The following RBM25 variants were observed in gnomAD, a reference collection of about 807,000 sequenced individuals.
RBM25 encodes RNA binding motif protein 25, also known as RNA-binding protein 25.
A neutral mutation model predicts 120.7 loss-of-function variants in RBM25; 19 were observed. That is an observed-to-expected ratio of 0.16 (90% CI 0.11 to 0.23). RBM25 has a LOEUF of 0.23. RBM25 is among the 10% of genes least tolerant of loss of function. RBM25 has a pLI of 1.00. For missense variants in RBM25, 605 were observed against 1,041.5 expected (o/e 0.58, Z 5.77); for synonymous variants, 390 against 326.7 (o/e 1.19, Z -2.09).
At chr14:73,063,910 T>G (rs1350041073) in intron 1 of RBM25, among the ~76,000 whole-genome samples, 1 of 151,562 alleles carries the variant, frequency 6.6e-6, no homozygotes, top group African/African-American at 2.4e-5. Flanking sequence ...TATTTATTTC[T>G]GATTTTCTTC....
At chr14:73,115,186 GTGTTT>G (rs1896401082) in intron 18 of RBM25, among the ~76,000 whole-genome samples, 3 of 142,702 alleles carry the variant, frequency 2.1e-5, no homozygotes, top group South Asian at 2.2e-4. Flanking sequence ...GTGTGTGTGT[GTGTTT>G]TAAGTCGGAT....
chr14:73,097,587 C>T (rs561697151), intron 7 of RBM25, among the ~76,000 whole-genome samples: 7 of 152,042 alleles, frequency 4.6e-5, no homozygotes, highest in Non-Finnish European at 8.8e-5. Flanking sequence ...CTCCTGCCTC[C>T]GCTTCCTAAA....
rs569462038 is a variant in RBM25 at position 73,063,895 on chromosome 14, C to T, written c.-16+5190C>T. 4.0e-4 allele frequency among the ~76,000 whole-genome samples: 60 copies of T among 151,606 alleles called. 4 individuals are homozygous for T. Among genetic ancestry groups the T allele is most frequent in the Admixed American group, 1.6e-3 (25 of 15,212 alleles). ...ATAGCCCTACACTCTACTCATAATA[C>T]TCAGTATTTATTTCTGATTTTCTTC... On this transcript the variant is annotated intron_variant, in intron 1 of 18. Coordinates refer to ENST00000261973, the MANE Select transcript of RBM25 (RefSeq NM_021239.3).
intron 7 of RBM25, 96 bp downstream of exon 7, chr14:73,097,196 CTTT>C: frequency 6.0e-3 from 837 of 139,578 alleles, no homozygotes; most frequent in Middle Eastern, 0.014. Flanking sequence ...TTTTTCTTTT[CTTT>C]TTTTTTTTTT....
At position 73,114,302 on chromosome 14, in the gene RBM25, C is replaced by A; in HGVS notation, c.2408C>A (p.Ser803Ter). ...FVCSKVMAHS[S>*]PQSILDDVAM... ...CTCTTTTAGGTTATGGCTCATAGTTCACCCCAGAGCATTTTAGATGATGTT... is the reference window on the plus strand; with the variant it reads ...CTCTTTTAGGTTATGGCTCATAGTTAACCCCAGAGCATTTTAGATGATGTT... Residue 803 changes from serine (S) to a stop codon, truncating the protein, a stop_gained, in exon 18 of 19, where the codon TCA (serine) becomes TAA (stop). Transcript: ENST00000261973. LOFTEE classifies it high-confidence loss of function. 1 of 1,564,332 alleles carries A rather than the reference C, an allele frequency of 6.4e-7. No homozygotes were observed. The highest frequency in any genetic ancestry group is 8.7e-7 in the Non-Finnish European group (1 of 1,153,494).
At chr14:73,064,822 A>G (rs186122760) in intron 1 of RBM25, 3 of 151,626 alleles carry the variant, frequency 2.0e-5, no homozygotes, top group Non-Finnish European at 4.4e-5. Context: ...TATGTTATGG[A>G]AAAATTTGAA....
chr14:73,067,433 G>T (rs1190786854), intron 1 of RBM25, among the ~76,000 whole-genome samples: 2 of 151,672 alleles, frequency 1.3e-5, no homozygotes, highest in Non-Finnish European at 2.9e-5. Context: ...TTTTGAGGCA[G>T]TCTTGCTCTG....
At position 73,119,926 on chromosome 14, in the gene RBM25, T is replaced by C. The variant is rs1896510705; in HGVS notation, c.*121T>C. 6 of 1,406,234 alleles carry C rather than the reference T, an allele frequency of 4.3e-6. No individual in the cohort carries two copies. Among genetic ancestry groups the C allele is most frequent in the Non-Finnish European group, 4.6e-6 (5 of 1,077,892 alleles). 87.1% of individuals were successfully genotyped at this position (1,406,234 alleles called of 1,614,324 possible). A position where few individuals can be genotyped will look rare whatever the true frequency, so the allele number is the denominator to read the frequency against. ...TGTAATTTTTTTTTTTTGTAGAAAA[T>C]GTGAATTTTTTGGTCCTCTAATTTG... is the stretch of plus-strand genomic sequence containing the variant. On this transcript the variant is annotated 3_prime_UTR_variant, in exon 19 of 19. Coordinates refer to ENST00000261973, the MANE Select transcript of RBM25 (RefSeq NM_021239.3).
intron 4 of RBM25, 108 bp from the exon 5 acceptor site, chr14:73,083,386 T>G (rs1435120265): frequency 1.1e-6 from 1 of 896,110 alleles, no homozygotes; most frequent in African/African-American, 1.8e-5. Context: ...TTGCTGGTTT[T>G]TTATTTTATG....
intron 3 of RBM25, 73 bp from the exon 4 acceptor site, chr14:73,077,295 GT>G: frequency 7.6e-7 from 1 of 1,312,386 alleles, no homozygotes; most frequent in South Asian, 1.3e-5. Context: ...TAATCCTGAT[GT>G]TTTTAGCCTA....
chr14:73,122,649 C>T lies in RBM25; in HGVS notation c.*2844C>T, dbSNP rs1896557169. On this transcript the variant is annotated 3_prime_UTR_variant, in exon 19 of 19. Transcript: ENST00000261973. The stretch of plus-strand genomic sequence containing the variant: ...AGAATACTACTTTTCTTTATTTGTC[C>T]CTAAAAATAAAGTATGTACATCTGT... 1 of 151,978 alleles carries T rather than the reference C, an allele frequency of 6.6e-6. No individual in the cohort carries two copies. The highest frequency in any genetic ancestry group is 1.5e-5 in the Non-Finnish European group (1 of 67,982). 9.4% of individuals were successfully genotyped at this position (151,978 alleles called of 1,614,324 possible). A position where few individuals can be genotyped will look rare whatever the true frequency, so the allele number is the denominator to read the frequency against.
At chr14:73,115,896 G>T (rs1458801041) in intron 18 of RBM25, among the ~76,000 whole-genome samples, 2 of 152,174 alleles carry the variant, frequency 1.3e-5, no homozygotes, top group Non-Finnish European at 2.9e-5. Flanking sequence ...CCAGACGATG[G>T]CAAGGTGCAT....
At chr14:73,067,362 T>C (rs1328609838) in intron 1 of RBM25, among the ~76,000 whole-genome samples, 2 of 152,192 alleles carry the variant, frequency 1.3e-5, no homozygotes, top group Non-Finnish European at 2.9e-5. Context: ...CAACTGTTAA[T>C]GTTGGTTAAA....
chr14:73,091,282 G>A (rs970480064), intron 6 of RBM25, among the ~76,000 whole-genome samples: 1 of 152,018 alleles, frequency 6.6e-6, no homozygotes, highest in African/African-American at 2.4e-5. Context: ...TCGAGTGTGG[G>A]GTGGTGTGAT....
chr14:73,071,812 A>T (rs1895300325), intron 2 of RBM25, 65 bp downstream of exon 2: 1 of 1,311,846 alleles, frequency 7.6e-7, no homozygotes, highest in Admixed American at 1.7e-5. Context: ...TACTAACTTC[A>T]GGAAAATGTT....
At chr14:73,068,572 C>T in intron 1 of RBM25, 1 of 588,134 alleles carries the variant, frequency 1.7e-6, no homozygotes, top group Non-Finnish European at 3.2e-6. Flanking sequence ...GTGCTTTTGC[C>T]AGTGTACGGT....
chr14:73,083,466 A>C, intron 4 of RBM25, 28 bp from the exon 5 acceptor site: 2 of 1,518,594 alleles, frequency 1.3e-6, no homozygotes, highest in Non-Finnish European at 1.8e-6. Flanking sequence ...AAATGGTAGC[A>C]ATCTGTTTGT....
At chr14:73,119,562 G>A in intron 18 of RBM25, 151 bp from the exon 19 acceptor site, 2 of 1,377,144 alleles carry the variant, frequency 1.5e-6, no homozygotes, top group Non-Finnish European at 1.9e-6. Flanking sequence ...ACCACACCCG[G>A]CCACTAAAAC....
intron 4 of RBM25, among the ~76,000 whole-genome samples, chr14:73,080,434 A>C (rs970683859): frequency 2.6e-5 from 4 of 152,014 alleles, no homozygotes; most frequent in African/African-American, 9.7e-5. Context: ...CATGTTAGCC[A>C]GGATGGTCTC....
Sources: gnomAD v4.1 joint callset for allele counts (sites outside exome capture counted in the v4.1 genomes callset) on GRCh38, gnomAD v4.1.1 for gene constraint, MANE v1.5 for transcripts, NCBI Gene and HGNC (gene_info 2026-07-23, HGNC 2026-07-21) for gene names.